The following AGPAT3 variants were observed in gnomAD, a reference collection of about 807,000 sequenced individuals.
AGPAT3 encodes the protein 1-acylglycerol-3-phosphate O-acyltransferase 3, also known as 1-acyl-sn-glycerol-3-phosphate acyltransferase gamma.
AGPAT3 carries 5 observed loss-of-function variants against 47.3 expected under a neutral mutation model. The ratio of observed to expected loss-of-function variants is 0.11; its 90% CI spans 0.06 to 0.22. The LOEUF (loss-of-function observed/expected upper bound fraction) is 0.22, where lower values mean the gene tolerates loss of function less well. Ranked by LOEUF, AGPAT3 falls within the 10% of genes least tolerant of loss-of-function variation. AGPAT3 has a pLI of 1.00. For synonymous variants in AGPAT3, 212 were observed against 208.3 expected (o/e 1.02, Z -0.15); for missense variants, 315 against 493.0 (o/e 0.64, Z 3.42).
intron 1 of AGPAT3, among the ~76,000 whole-genome samples, chr21:43,874,268 C>T (rs558965800): frequency 3.3e-5 from 5 of 152,328 alleles, no homozygotes; most frequent in African/African-American, 4.8e-5. Flanking sequence ...TCAGGCAATC[C>T]GCCCACCTCG....
At chr21:43,887,105 G>T (rs763637032) in intron 1 of AGPAT3, among the ~76,000 whole-genome samples, 1 of 152,204 alleles carries the variant, frequency 6.6e-6, no homozygotes, top group Non-Finnish European at 1.5e-5. Context: ...CTGGCTAAAC[G>T]TGGGTACTCC....
In AGPAT3 at chr21:43,895,486, G is replaced by A. The variant is rs145079842; in HGVS notation, c.-111-8471G>A. ...TCCCCTTAGGAACTGTTTAGGCTGCGTCAGCCTATATGTAGTGACAGGATT... is the reference window on the plus strand; with the variant it reads ...TCCCCTTAGGAACTGTTTAGGCTGCATCAGCCTATATGTAGTGACAGGATT... On this transcript the variant is annotated intron_variant, in intron 1 of 9. Transcript: ENST00000291572. Among the ~76,000 whole-genome samples the A allele has an allele frequency of 2.2e-3, 332 of 149,014 alleles. 2 individuals carry two copies. The highest frequency in any genetic ancestry group is 7.7e-3 in the African/African-American group (312 of 40,304).
At chr21:43,962,440 A>G (rs1465312790) in intron 3 of AGPAT3, among the ~76,000 whole-genome samples, 3 of 152,216 alleles carry the variant, frequency 2.0e-5, no homozygotes, top group Non-Finnish European at 4.4e-5. Context: ...AAAAGGGCAA[A>G]TATTAACTGA....
intron 1 of AGPAT3, among the ~76,000 whole-genome samples, chr21:43,881,273 A>G (rs1010457595): frequency 2.0e-5 from 3 of 152,218 alleles, no homozygotes; most frequent in Non-Finnish European, 4.4e-5. Context: ...AAACACATAC[A>G]TAAAGTATTG....
intron 2 of AGPAT3, among the ~76,000 whole-genome samples, chr21:43,917,016 A>G (rs572459087): frequency 1.2e-4 from 19 of 152,236 alleles, no homozygotes; most frequent in African/African-American, 4.6e-4. Flanking sequence ...TGACGGTGGC[A>G]GAGCCCGTGG....
In AGPAT3 at chr21:43,942,396, G is replaced by A. The variant is rs528523819; in HGVS notation, c.-48-17238G>A. On this transcript the variant is annotated intron_variant, in intron 2 of 9. Coordinates refer to ENST00000291572, the MANE Select transcript of AGPAT3 (RefSeq NM_020132.5). ...CTCACCAGGAGCCTGGGAGTCTGGC[G>A]TCCTTCACGAGGCGCTCCTGAAGCA... Among the ~76,000 whole-genome samples, 83 of 152,318 alleles carry A rather than the reference G, an allele frequency of 5.4e-4. 2 individuals carry two copies. The highest frequency in any genetic ancestry group is 1.9e-3 in the African/African-American group (77 of 41,560).
At position 43,934,425 on chromosome 21, in the gene AGPAT3, G is replaced by C. The variant is rs894498489; in HGVS notation, c.-48-25209G>C. 3.3e-5 allele frequency among the ~76,000 whole-genome samples: 5 copies of C among 152,374 alleles called. No individual in the cohort carries two copies. Among genetic ancestry groups the C allele is most frequent in the Non-Finnish European group, 4.4e-5 (3 of 68,036 alleles). ...CCAGGCCGTCGGCTGCCTGGCCCTG[G>C]CCTGCGTGGCAGCGCAACCTCGTTG... On this transcript the variant is annotated intron_variant, in intron 2 of 9. Transcript: ENST00000291572. This position sits in a 1 kb window ranked among gnomAD's most constrained non-coding sequence, Gnocchi z 4.7.
intron 2 of AGPAT3, among the ~76,000 whole-genome samples, chr21:43,949,472 C>A (rs754205705): frequency 2.0e-5 from 3 of 152,212 alleles, no homozygotes; most frequent in Non-Finnish European, 4.4e-5. Flanking sequence ...CTCTGATGGC[C>A]ACAAGGGTGT....
In AGPAT3 at chr21:43,955,336, G is replaced by A. The variant is rs1312962155; in HGVS notation, c.-48-4298G>A. ...AAATGTTCCCTGTTGCAGTGTGGTG[G>A]GGTCACAGGCGGCTTAGCTTGTCAA... On this transcript the variant is annotated intron_variant, in intron 2 of 9. Coordinates refer to ENST00000291572, the MANE Select transcript of AGPAT3 (RefSeq NM_020132.5). The surrounding 1 kb of genome is among the most constrained non-coding windows in gnomAD (Gnocchi z 4.1). The A allele has an allele frequency of 2.2e-6, 2 of 921,932 alleles. No individual in the cohort carries two copies. The highest frequency in any genetic ancestry group is 3.5e-5 in the African/African-American group (2 of 56,530). The allele number at this position is 921,932 out of a possible 1,614,324, so 57.1% of individuals were successfully genotyped here. A position where few individuals can be genotyped will look rare whatever the true frequency, so the allele number is the denominator to read the frequency against.
At chr21:43,895,081 G>C (rs545865916) in intron 1 of AGPAT3, among the ~76,000 whole-genome samples, 3 of 151,222 alleles carry the variant, frequency 2.0e-5, no homozygotes, top group Admixed American at 2.0e-4. Flanking sequence ...TGTGTCATTT[G>C]TTTTCGGCAT....
At chr21:43,971,920 C>T (rs938614066) in intron 7 of AGPAT3, among the ~76,000 whole-genome samples, 5 of 152,158 alleles carry the variant, frequency 3.3e-5, no homozygotes, top group Admixed American at 6.5e-5. Context: ...TCCTGGGGCC[C>T]ACAGTCACAC....
chr21:43,936,129 G>C (rs549376852), intron 2 of AGPAT3, among the ~76,000 whole-genome samples: 1 of 152,348 alleles, frequency 6.6e-6, no homozygotes, highest in Admixed American at 6.5e-5. Context: ...ACTTCAAAGA[G>C]GGGGAGCCAA....
At chr21:43,944,807 A>G (rs566565870) in intron 2 of AGPAT3, among the ~76,000 whole-genome samples, 9 of 152,346 alleles carry the variant, frequency 5.9e-5, no homozygotes, top group African/African-American at 1.9e-4. Flanking sequence ...GAAATGAGGA[A>G]AAGCTCAGAT....
chr21:43,870,690 C>T (rs1217593469), intron 1 of AGPAT3, among the ~76,000 whole-genome samples: 1 of 152,266 alleles, frequency 6.6e-6, no homozygotes, highest in Middle Eastern at 3.4e-3. Flanking sequence ...CCACTGCACT[C>T]CAGCCTGGGT....
Position 43,878,512 on chromosome 21 carries a change from T to A in AGPAT3, c.-112+13167T>A, listed in dbSNP as rs537600982. On this transcript the variant is annotated intron_variant, in intron 1 of 9. Transcript: ENST00000291572. ...ACTGATGCCGCTCCGTTTTCCCAGTTATAAATATGATGGGCATCCTTGTAC... is the reference window on the plus strand; with the variant it reads ...ACTGATGCCGCTCCGTTTTCCCAGTAATAAATATGATGGGCATCCTTGTAC... 4.6e-5 allele frequency among the ~76,000 whole-genome samples: 7 copies of A among 152,354 alleles called. No individual in the cohort carries two copies. In the South Asian group the frequency reaches 1.4e-3, roughly 32 times the overall value.
At chr21:43,925,832 C>G (rs1453171413) in intron 2 of AGPAT3, among the ~76,000 whole-genome samples, 1 of 152,262 alleles carries the variant, frequency 6.6e-6, no homozygotes, top group Non-Finnish European at 1.5e-5. Context: ...ACTCCCAAGT[C>G]CATTCCACCT....
rs776221646 is a variant in AGPAT3, at chr21:43,959,690, G to C, written c.9G>C (p.Leu3=). MG[L]LAFLKTQFVL... ...CGCTCCTGAGCAGCGCCATGGGCCT[G>C]CTGGCCTTCCTGAAGACCCAGTTCG... is the stretch of plus-strand genomic sequence containing the variant. Residue 3 remains leucine, a synonymous_variant, in exon 3 of 10, where the codon CTG becomes CTC. Transcript: ENST00000291572. 6.2e-7 allele frequency: 1 copy of C among 1,613,018 alleles called. No individual in the cohort carries two copies. Among genetic ancestry groups the C allele is most frequent in the Non-Finnish European group, 8.5e-7 (1 of 1,179,926 alleles).
intron 2 of AGPAT3, chr21:43,948,278 T>A (rs979272397): frequency 6.6e-6 from 1 of 152,208 alleles, no homozygotes; most frequent in Non-Finnish European, 1.5e-5. Flanking sequence ...CCACAGTGGC[T>A]CCTGCACCTT....
chr21:43,890,095 C>A (rs563032852), intron 1 of AGPAT3, among the ~76,000 whole-genome samples: 4 of 152,252 alleles, frequency 2.6e-5, no homozygotes, highest in Middle Eastern at 3.4e-3. Flanking sequence ...GAATTGTAAT[C>A]CCCAGTGTTG....
Sources: gnomAD v4.1 joint callset for allele counts (sites outside exome capture counted in the v4.1 genomes callset) on GRCh38, gnomAD v4.1.1 for gene constraint, Gnocchi (gnomAD v3.1) non-coding constraint, MANE v1.5 for transcripts, NCBI Gene and HGNC (gene_info 2026-07-23, HGNC 2026-07-21) for gene names.